Variants in GAS2 observed in about 807,000 individuals in gnomAD.
The protein encoded by GAS2 is growth arrest specific 2, also known as growth arrest-specific protein 2.
GAS2 carries 20 observed loss-of-function variants against 37.5 expected under a neutral mutation model. That is an observed-to-expected ratio of 0.53 (90% CI 0.37 to 0.77). GAS2 has a LOEUF of 0.77. Among genes scored for constraint, GAS2 ranks in the 30% least tolerant of loss-of-function variants. The probability of loss-of-function intolerance (pLI) is 0.00; values close to 1 mark genes in which losing one functional copy is unlikely to be tolerated. For missense variants in GAS2, 336 were observed against 373.4 expected (o/e 0.90, Z 0.82); for synonymous variants, 144 against 132.2 (o/e 1.09, Z -0.61).
At chr11:22,778,467 G>T (rs10833813) in intron 7 of GAS2, among the ~76,000 whole-genome samples, 13 of 152,134 alleles carry the variant, frequency 8.5e-5, no homozygotes, top group Non-Finnish European at 1.9e-4. Flanking sequence ...TAGAATAATA[G>T]GGTTCAGGAG....
chr11:22,751,360 A>G (rs1043340403), intron 6 of GAS2, among the ~76,000 whole-genome samples: 1 of 152,006 alleles, frequency 6.6e-6, no homozygotes, highest in Non-Finnish European at 1.5e-5. Context: ...CATCCCAGGT[A>G]TAACTGGCAA....
At position 22,685,284 on chromosome 11, in the gene GAS2, G is replaced by A. The variant is rs539836348; in HGVS notation, c.146-384G>A. Among the ~76,000 whole-genome samples the A allele has an allele frequency of 1.1e-4, 16 of 152,284 alleles. 1 individual carries two copies. In the South Asian group the frequency reaches 3.3e-3, roughly 32 times the overall value. On this transcript the variant is annotated intron_variant, in intron 2 of 7. Coordinates refer to ENST00000454584, the MANE Select transcript of GAS2 (RefSeq NM_001143830.3). ...TCAAAGTAATTGAATGGGCCACTGG[G>A]GATGAGAATGGAATGATTAATGGAG...
intron 3 of GAS2, among the ~76,000 whole-genome samples, chr11:22,715,460 CAAAA>C (rs1192862614): frequency 4.8e-5 from 2 of 41,754 alleles, no homozygotes; most frequent in African/African-American, 1.3e-4. Flanking sequence ...GACTCTGTCT[CAAAA>C]AAAAAAAAAA....
chr11:22,790,045 G>A (rs1856066070), intron 7 of GAS2, among the ~76,000 whole-genome samples: 1 of 152,132 alleles, frequency 6.6e-6, no homozygotes, highest in African/African-American at 2.4e-5. Flanking sequence ...TTTCTCCTCT[G>A]TTAAATGGGT....
chr11:22,764,238 C>T (rs933946801), intron 7 of GAS2, among the ~76,000 whole-genome samples: 2 of 152,062 alleles, frequency 1.3e-5, no homozygotes, highest in Non-Finnish European at 2.9e-5. Context: ...CCTGAAACTA[C>T]ATCCATTTGA....
intron 7 of GAS2, among the ~76,000 whole-genome samples, chr11:22,770,478 A>G (rs796315006): frequency 3.9e-5 from 6 of 152,294 alleles, no homozygotes; most frequent in African/African-American, 1.4e-4. Context: ...ACTGAAATTA[A>G]ACGTTTCACT....
At chr11:22,641,866 C>T (rs1243140200) in intron 1 of GAS2, among the ~76,000 whole-genome samples, 1 of 152,080 alleles carries the variant, frequency 6.6e-6, no homozygotes, top group African/African-American at 2.4e-5. Flanking sequence ...TTGCCATATA[C>T]TGTTGCAGAT....
chr11:22,810,393 CAAAT>C (rs1388257840), intron 7 of GAS2, among the ~76,000 whole-genome samples: 1 of 151,852 alleles, frequency 6.6e-6, no homozygotes, highest in African/African-American at 2.4e-5. Context: ...GAAGGGAACT[CAAAT>C]AAGACAACTG....
At chr11:22,647,795 T>C (rs1024820365) in intron 1 of GAS2, among the ~76,000 whole-genome samples, 4 of 152,140 alleles carry the variant, frequency 2.6e-5, no homozygotes, top group African/African-American at 7.2e-5. Context: ...GTAAATTTGT[T>C]TGAGTTCATT....
chr11:22,779,729 A>C (rs1285212192), intron 7 of GAS2, among the ~76,000 whole-genome samples: 3 of 151,756 alleles, frequency 2.0e-5, no homozygotes, highest in Non-Finnish European at 4.4e-5. Context: ...AAAAAACCAA[A>C]CAAACAAAAA....
chr11:22,719,203 T>C (rs1851830430), intron 3 of GAS2, among the ~76,000 whole-genome samples: 2 of 152,100 alleles, frequency 1.3e-5, no homozygotes, highest in Admixed American at 1.3e-4. Context: ...CTCTTAGCAA[T>C]TATTATGTGA....
At chr11:22,765,506 G>A (rs1854638383) in intron 7 of GAS2, among the ~76,000 whole-genome samples, 2 of 152,124 alleles carry the variant, frequency 1.3e-5, no homozygotes, top group South Asian at 4.1e-4. Context: ...TTGGCCGGGG[G>A]CAGTGGCTCA....
At chr11:22,730,326 T>C (rs776477039) in intron 4 of GAS2, among the ~76,000 whole-genome samples, 1 of 151,816 alleles carries the variant, frequency 6.6e-6, no homozygotes, top group Non-Finnish European at 1.5e-5. Flanking sequence ...TATGATGCAA[T>C]TGGACCAATT....
chr11:22,652,738 C>T (rs1271270978), intron 1 of GAS2, among the ~76,000 whole-genome samples: 1 of 152,230 alleles, frequency 6.6e-6, no homozygotes, highest in East Asian at 1.9e-4. Flanking sequence ...TCCCTGACCC[C>T]TTGCGCTTCC....
intron 6 of GAS2, among the ~76,000 whole-genome samples, chr11:22,750,888 C>T (rs541930059): frequency 6.6e-6 from 1 of 151,792 alleles, no homozygotes; most frequent in Non-Finnish European, 1.5e-5. Flanking sequence ...GGGTTCCAGA[C>T]CACTAAAGAG....
chr11:22,765,973 G>A (rs1854670817), intron 7 of GAS2, among the ~76,000 whole-genome samples: 1 of 152,112 alleles, frequency 6.6e-6, no homozygotes, highest in African/African-American at 2.4e-5. Flanking sequence ...GAGAGTGGGA[G>A]GGGAGGTGCC....
intron 7 of GAS2, among the ~76,000 whole-genome samples, chr11:22,760,072 C>T (rs1296639912): frequency 1.3e-5 from 2 of 152,160 alleles, no homozygotes; most frequent in African/African-American, 4.8e-5. Context: ...ATTCTTGTGA[C>T]ACAGCCTCCC....
intron 2 of GAS2, among the ~76,000 whole-genome samples, chr11:22,677,394 A>C (rs1003704271): frequency 6.6e-6 from 1 of 152,158 alleles, no homozygotes; most frequent in African/African-American, 2.4e-5. Context: ...AGAGGAAGAG[A>C]GTTTCATGAG....
chr11:22,632,263 G>C (rs1019523099), intron 1 of GAS2, among the ~76,000 whole-genome samples: 1 of 151,860 alleles, frequency 6.6e-6, no homozygotes, highest in Non-Finnish European at 1.5e-5. Flanking sequence ...TATTCCCTTA[G>C]CATTTGCTTG....
Sources: allele counts gnomAD v4.1 joint callset (sites outside exome capture counted in the v4.1 genomes callset), GRCh38; gene constraint gnomAD v4.1.1; transcripts MANE v1.5; gene names NCBI Gene and HGNC (gene_info 2026-07-23, HGNC 2026-07-21).